The following PRPF6 variants were observed in gnomAD, a reference collection of about 807,000 sequenced individuals.
PRPF6 encodes the protein pre-mRNA-processing factor 6.
PRPF6 carries 42 observed loss-of-function variants against 118.3 expected under a neutral mutation model. That is an observed-to-expected ratio of 0.35 (90% CI 0.28 to 0.46). PRPF6 has a LOEUF of 0.46. Among genes scored for constraint, PRPF6 ranks in the 20% least tolerant of loss-of-function variants. The pLI is 1.00. For synonymous variants in PRPF6, 481 were observed against 485.1 expected (o/e 0.99, Z 0.11); for missense variants, 662 against 1,255.7 (o/e 0.53, Z 7.15).
At position 63,996,287 on chromosome 20, in the gene PRPF6, C is replaced by A. The variant is rs1345746225; in HGVS notation, c.771+805C>A. Among the ~76,000 whole-genome samples the A allele has an allele frequency of 2.6e-5, 4 of 152,046 alleles. No homozygotes were observed. In the East Asian group the frequency reaches 7.7e-4, roughly 29 times the overall value. The stretch of plus-strand genomic sequence containing the variant: ...CCGGGCGTTGGAGGTTGCAGTGAGC[C>A]GAGATTGCACCAGTGCACTCCGGCC... On this transcript the variant is annotated intron_variant, in intron 6 of 20. Transcript: ENST00000266079.
chr20:63,982,376 T>A (rs1363556037), intron 1 of PRPF6, among the ~76,000 whole-genome samples: 1 of 152,064 alleles, frequency 6.6e-6, no homozygotes, highest in Non-Finnish European at 1.5e-5. Flanking sequence ...TTCACCATGT[T>A]GGCCAGGGGG....
At chr20:63,981,648 C>CA (rs1302775711) in intron 1 of PRPF6, among the ~76,000 whole-genome samples, 1 of 143,402 alleles carries the variant, frequency 7.0e-6, no homozygotes, top group Non-Finnish European at 1.5e-5. Context: ...GACACTCCCC[C>CA]CCCCCGCCCG....
intron 9 of PRPF6, among the ~76,000 whole-genome samples, chr20:64,001,793 A>C (rs1308904928): frequency 3.9e-5 from 6 of 152,194 alleles, no homozygotes; most frequent in African/African-American, 1.4e-4. Context: ...AGGCAACCTG[A>C]TTCCATCCAG....
chr20:64,027,123 A>C lies in PRPF6; in HGVS notation c.2170A>C (p.Met724Leu). The stretch of plus-strand genomic sequence containing the variant: ...GGGGCAGATCGAGGAGCAGAAGGAG[A>C]TGATGGAGAAGGCGCGGGAAGCCTA... ...MKGQIEEQKE[M>L]MEKAREAYNQ... The change falls in exon 16 of 21, where the codon ATG becomes CTG. Residue 724 changes from methionine to leucine, a missense_variant. This residue lies in a region of PRPF6 where 244 missense variants were observed against 383.7 expected (regional missense o/e 0.64). Coordinates refer to ENST00000266079, the MANE Select transcript of PRPF6 (RefSeq NM_012469.4). The surrounding 1 kb of genome is among the most constrained non-coding windows in gnomAD (Gnocchi z 6.5). The C allele has an allele frequency of 6.2e-7, 1 of 1,613,928 alleles. No homozygotes were observed. The highest frequency in any genetic ancestry group is 8.5e-7 in the Non-Finnish European group (1 of 1,180,016).
chr20:64,021,988 C>CTGTGTGTGTGTG (rs111363019), intron 12 of PRPF6, among the ~76,000 whole-genome samples: 76 of 135,834 alleles, frequency 5.6e-4, no homozygotes, highest in South Asian at 2.4e-3. Flanking sequence ...GGCCACAGCC[C>CTGTGTGTGTGTG]TGTGTGTGTG....
rs1445667247 is a variant in PRPF6, at chr20:64,026,548, G to A, written c.2029-434G>A. On this transcript the variant is annotated intron_variant, in intron 15 of 20. Coordinates refer to ENST00000266079, the MANE Select transcript of PRPF6 (RefSeq NM_012469.4). This position sits in a 1 kb window ranked among gnomAD's most constrained non-coding sequence, Gnocchi z 4.4. ...AAACATGTTCATACGGCCGGGTGTG[G>A]TGGCTCACGCCTGTAATCCCAGCAC... Among the ~76,000 whole-genome samples the A allele has an allele frequency of 3.3e-5, 5 of 151,588 alleles. No individual in the cohort carries two copies. The highest frequency in any genetic ancestry group is 4.9e-5 in the African/African-American group (2 of 41,196).
At chr20:63,994,602 T>A (rs1370323464) in intron 4 of PRPF6, among the ~76,000 whole-genome samples, 1 of 152,058 alleles carries the variant, frequency 6.6e-6, no homozygotes, top group Non-Finnish European at 1.5e-5. Flanking sequence ...GGAGAACCTG[T>A]CTTTACAAAA....
chr20:64,026,776 G>C lies in PRPF6; in HGVS notation c.2029-206G>C, dbSNP rs1049171955. On this transcript the variant is annotated intron_variant, in intron 15 of 20. Transcript: ENST00000266079. The surrounding 1 kb of genome is among the most constrained non-coding windows in gnomAD (Gnocchi z 4.4). ...GATCGTGCCACTGCACTCCAGCCTG[G>C]GTGACAGAGCGAGACTCTATCTCAA... 8.5e-5 allele frequency among the ~76,000 whole-genome samples: 13 copies of C among 152,054 alleles called. No homozygotes were observed. The highest frequency in any genetic ancestry group is 1.3e-4 in the Admixed American group (2 of 15,262).
chr20:64,021,515 A>C (rs927265521), intron 12 of PRPF6, among the ~76,000 whole-genome samples: 1 of 132,708 alleles, frequency 7.5e-6, no homozygotes, highest in African/African-American at 3.0e-5. Context: ...GTGTGTGTGC[A>C]TGTATGCATA....
chr20:64,009,516 A>C (rs960217299), intron 9 of PRPF6, among the ~76,000 whole-genome samples: 6 of 152,042 alleles, frequency 3.9e-5, no homozygotes, highest in African/African-American at 1.4e-4. Flanking sequence ...TGAGATCAGG[A>C]GTTTGAGACC....
In PRPF6 at chr20:64,016,886, T is replaced by C. The variant is rs750146019; in HGVS notation, c.1647+41T>C. On this transcript the variant is annotated intron_variant, in intron 12 of 20. Coordinates refer to ENST00000266079, the MANE Select transcript of PRPF6 (RefSeq NM_012469.4). ...GGGCCTTTGTCCGTAATATGGAGTCTCTGCTTGTGGGAACAGCAGGCACCT... is the reference window on the plus strand; with the variant it reads ...GGGCCTTTGTCCGTAATATGGAGTCCCTGCTTGTGGGAACAGCAGGCACCT... 5 of 1,613,548 alleles carry C rather than the reference T, an allele frequency of 3.1e-6. No individual in the cohort carries two copies. In the Admixed American group the frequency reaches 8.3e-5, roughly 27 times the overall value.
In PRPF6 at chr20:63,983,031, T is replaced by TG; in HGVS notation, c.72-11dup. 1 of 1,613,456 alleles carries TG rather than the reference T, an allele frequency of 6.2e-7. No homozygotes were observed. Among genetic ancestry groups the TG allele is most frequent in the Non-Finnish European group, 8.5e-7 (1 of 1,179,752 alleles). On this transcript the variant is annotated splice_polypyrimidine_tract_variant and intron_variant, in intron 1 of 20. Transcript: ENST00000266079. ...AGAGTTATTCAGACACCCGGTGTCT[T>TG]GGGGGTCTCCTGCAGCGCCACTGGC...
Position 64,032,930 on chromosome 20 carries a change from C to A in PRPF6, c.2763C>A (p.Asn921Lys). The part of the protein sequence containing the change: ...LWCAVSKDIA[N>K]WQKKIGDILR... ...GCGCCGTGTCCAAGGACATCGCCAACTGGCAGAAGAAGATCGGGGACATCC... is the reference window on the plus strand; with the variant it reads ...GCGCCGTGTCCAAGGACATCGCCAAATGGCAGAAGAAGATCGGGGACATCC... Residue 921 changes from asparagine (N) to lysine (K), a missense_variant, in exon 21 of 21, where the codon AAC becomes AAA. By Grantham distance (94) the Asn-to-Lys change is moderately conservative. Transcript: ENST00000266079. 1 of 1,613,504 alleles carries A rather than the reference C, an allele frequency of 6.2e-7. No homozygotes were observed. Among genetic ancestry groups the A allele is most frequent in the South Asian group, 1.1e-5 (1 of 91,086 alleles).
Position 64,001,212 on chromosome 20 carries a change from C to G in PRPF6, c.1159C>G (p.Arg387Gly), listed in dbSNP as rs745598284. The change falls in exon 9 of 21, where the codon CGT becomes GGT. Residue 387 changes from arginine to glycine, a missense_variant. Transcript: ENST00000266079. ...AGCCGCAGAGCTGGAAACGGACATT[C>G]GTGCAAAGAAGCGGGTTCTTCGGAA... ...IRAAELETDI[R>G]AKKRVLRKAL... The G allele has an allele frequency of 2.5e-6, 4 of 1,614,244 alleles. No homozygotes were observed. Among genetic ancestry groups the G allele is most frequent in the Non-Finnish European group, 3.4e-6 (4 of 1,180,042 alleles).
chr20:63,994,265 C>T (rs181919939), intron 4 of PRPF6, among the ~76,000 whole-genome samples: 35 of 150,780 alleles, frequency 2.3e-4, no homozygotes, highest in Admixed American at 9.9e-4. Flanking sequence ...TCAAACGATT[C>T]TCCTGCCTCA....
intron 6 of PRPF6, among the ~76,000 whole-genome samples, chr20:63,996,693 AAGGTAGG>A (rs2059142373): frequency 6.6e-6 from 1 of 152,100 alleles, no homozygotes; most frequent in Admixed American, 6.6e-5. Context: ...TTGAGAGACC[AAGGTAGG>A]AGGATTGCTT....
At chr20:64,025,050 G>GT (rs2041212438) in intron 14 of PRPF6, among the ~76,000 whole-genome samples, 1 of 152,122 alleles carries the variant, frequency 6.6e-6, no homozygotes, top group African/African-American at 2.4e-5. Flanking sequence ...AGGGGGGTGT[G>GT]TGTTTTTTTT....
chr20:64,025,540 C>T (rs895012784), intron 14 of PRPF6, among the ~76,000 whole-genome samples: 2 of 152,236 alleles, frequency 1.3e-5, no homozygotes, highest in African/African-American at 4.8e-5. Flanking sequence ...GGACAGCTGG[C>T]TTCCCTTCAT....
chr20:64,031,162 T>C (rs816933), intron 19 of PRPF6, among the ~76,000 whole-genome samples: 4 of 152,118 alleles, frequency 2.6e-5, no homozygotes, highest in Admixed American at 1.3e-4. Context: ...CCCAGGCCCT[T>C]GTGCTGCCTG....
Sources: allele counts gnomAD v4.1 joint callset (sites outside exome capture counted in the v4.1 genomes callset), GRCh38; gene constraint gnomAD v4.1.1; regional missense constraint gnomAD v4.1.1; non-coding constraint Gnocchi (gnomAD v3.1); transcripts MANE v1.5; gene names NCBI Gene and HGNC (gene_info 2026-07-23, HGNC 2026-07-21).